Variants in STPG2 observed in about 807,000 individuals in gnomAD.
STPG2 encodes the protein sperm tail PG-rich repeat containing 2.
STPG2 carries 56 observed loss-of-function variants against 54.2 expected under a neutral mutation model. The observed-to-expected ratio is 1.03, with a 90% CI of 0.83 to 1.29. The LOEUF (loss-of-function observed/expected upper bound fraction) is 1.29. STPG2 is among the 50% of genes most tolerant of loss of function. The probability of loss-of-function intolerance (pLI) is 0.00; values close to 1 mark genes in which losing one functional copy is unlikely to be tolerated. For synonymous variants in STPG2, 200 were observed against 181.8 expected, an observed-to-expected ratio of 1.10 and a Z score of -0.81; for missense variants, 596 against 544.9, an observed-to-expected ratio of 1.09 and a Z score of -0.93.
intron 10 of STPG2, among the ~76,000 whole-genome samples, chr4:97,564,487 T>C (rs1238425347): frequency 1.3e-5 from 2 of 152,202 alleles, no homozygotes; most frequent in Non-Finnish European, 2.9e-5. Flanking sequence ...TGATGTTAGC[T>C]GGTTATTTTG....
intron 4 of STPG2, among the ~76,000 whole-genome samples, chr4:97,499,286 T>A (rs1457795837): frequency 1.3e-5 from 2 of 151,878 alleles, no homozygotes; most frequent in East Asian, 3.9e-4. Flanking sequence ...AAAGCCCACA[T>A]CTCATAGCAT....
intron 8 of STPG2, among the ~76,000 whole-genome samples, chr4:97,892,102 A>T (rs902683023): frequency 6.6e-6 from 1 of 152,050 alleles, no homozygotes; most frequent in African/African-American, 2.4e-5. Context: ...TACTTATCAC[A>T]CCCTATTATA....
chr4:98,049,724 G>A (rs552880765), intron 5 of STPG2, among the ~76,000 whole-genome samples: 5 of 150,450 alleles, frequency 3.3e-5, no homozygotes, highest in Admixed American at 6.6e-5. Flanking sequence ...AAAATTTATA[G>A]GCTATGGCCA....
chr4:97,607,905 A>G (rs775262363), intron 10 of STPG2, among the ~76,000 whole-genome samples: 11 of 152,006 alleles, frequency 7.2e-5, no homozygotes, highest in Non-Finnish European at 1.5e-4. Context: ...ACAAGTACAC[A>G]TGAGGTTCAG....
At chr4:97,747,446 C>A (rs974603928) in intron 9 of STPG2, among the ~76,000 whole-genome samples, 1 of 151,364 alleles carries the variant, frequency 6.6e-6, no homozygotes, top group Admixed American at 6.6e-5. Context: ...CAGCACAAGA[C>A]ATACAATTTA....
At chr4:97,651,137 G>C (rs1396907340) in intron 10 of STPG2, among the ~76,000 whole-genome samples, 1 of 152,056 alleles carries the variant, frequency 6.6e-6, no homozygotes, top group Admixed American at 6.6e-5. Context: ...TAGAGATACA[G>C]AGGCCTTAAA....
intron 9 of STPG2, among the ~76,000 whole-genome samples, chr4:97,750,567 G>T (rs552209056): frequency 2.6e-4 from 39 of 151,830 alleles, no homozygotes; most frequent in Non-Finnish European, 5.6e-4. Context: ...AGGGAGGAGA[G>T]ATTTCCAAGA....
intron 8 of STPG2, among the ~76,000 whole-genome samples, chr4:97,888,090 C>G (rs553436656): frequency 6.6e-6 from 1 of 152,340 alleles, no homozygotes; most frequent in East Asian, 1.9e-4. Context: ...TATGGAAAAG[C>G]CCTGGTGTCC....
In STPG2 at chr4:97,608,187, A is replaced by G. The variant is rs1052197701; in HGVS notation, c.1321-49070T>C. 3.3e-5 allele frequency among the ~76,000 whole-genome samples: 5 copies of G among 152,126 alleles called. No homozygotes were observed. In the South Asian group the frequency reaches 6.2e-4, roughly 19 times the overall value. The stretch of plus-strand genomic sequence containing the variant: ...TTGGGATTATAAATGGGACTGGAAC[A>G]TTTTAATCTCTCTTTGGAGGCTTGT... On this transcript the variant is annotated intron_variant, in intron 10 of 10. Transcript: ENST00000295268.
intron 10 of STPG2, among the ~76,000 whole-genome samples, chr4:97,618,839 C>T (rs1282157070): frequency 6.6e-6 from 1 of 152,056 alleles, no homozygotes; most frequent in Admixed American, 6.6e-5. Flanking sequence ...TACTAGTAAG[C>T]CTTTTATTGT....
chr4:97,971,778 C>T (rs1341152598), intron 7 of STPG2, among the ~76,000 whole-genome samples: 1 of 151,618 alleles, frequency 6.6e-6, no homozygotes, highest in Non-Finnish European at 1.5e-5. Context: ...GCACATGTAC[C>T]CCAGAACTTA....
At chr4:97,905,721 C>A (rs1490853939) in intron 8 of STPG2, among the ~76,000 whole-genome samples, 2 of 151,990 alleles carry the variant, frequency 1.3e-5, no homozygotes, top group Non-Finnish European at 1.5e-5. Flanking sequence ...ATCTCACGTG[C>A]AGAGACACAC....
At chr4:97,442,086 C>T (rs1403212183) in intron 4 of STPG2, among the ~76,000 whole-genome samples, 2 of 151,416 alleles carry the variant, frequency 1.3e-5, no homozygotes, top group East Asian at 1.9e-4. Context: ...GTGAGACTAC[C>T]TATATGAAAA....
Position 97,790,120 on chromosome 4 carries a change from T to C in STPG2, c.1204+50653A>G, listed in dbSNP as rs144193448. ...GCTTTTAGTCTGTAACTCCCACTAG[T>C]TGTAAACCCATGTAGGCGGGGATCT... is the stretch of plus-strand genomic sequence containing the variant. On this transcript the variant is annotated intron_variant, in intron 9 of 10. Coordinates refer to ENST00000295268, the MANE Select transcript of STPG2 (RefSeq NM_174952.3). 8.5e-3 allele frequency among the ~76,000 whole-genome samples: 1,295 copies of C among 152,276 alleles called. 9 individuals carry two copies. The highest frequency in any genetic ancestry group is 0.013 in the Non-Finnish European group (898 of 68,014).
At chr4:98,102,513 T>TAA (rs35666488) in intron 5 of STPG2, among the ~76,000 whole-genome samples, 20 of 151,596 alleles carry the variant, frequency 1.3e-4, no homozygotes, top group Non-Finnish European at 2.4e-4. Context: ...TTCCTTTTCA[T>TAA]AAAAAAAGAG....
intron 10 of STPG2, among the ~76,000 whole-genome samples, chr4:97,703,461 T>A (rs1218568071): frequency 7.0e-6 from 1 of 142,134 alleles, no homozygotes; most frequent in African/African-American, 2.6e-5. Flanking sequence ...ATACACACAC[T>A]ATATATATAG....
chr4:97,639,358 G>A (rs1331056340), intron 10 of STPG2, among the ~76,000 whole-genome samples: 2 of 151,914 alleles, frequency 1.3e-5, no homozygotes, highest in Admixed American at 6.6e-5. Flanking sequence ...GTGGGTGGAG[G>A]GGGGAGGGAT....
At chr4:97,913,478 G>A (rs974389592) in intron 8 of STPG2, among the ~76,000 whole-genome samples, 2 of 152,162 alleles carry the variant, frequency 1.3e-5, no homozygotes, top group African/African-American at 4.8e-5. Context: ...GAAGACGATA[G>A]GCTATAGACA....
At chr4:97,651,754 T>G (rs1722076402) in intron 10 of STPG2, among the ~76,000 whole-genome samples, 1 of 151,880 alleles carries the variant, frequency 6.6e-6, no homozygotes, top group African/African-American at 2.4e-5. Context: ...AGCAAACTGA[T>G]GAAGGTTGTA....
Sources: gnomAD v4.1 joint callset for allele counts (sites outside exome capture counted in the v4.1 genomes callset) on GRCh38, gnomAD v4.1.1 for gene constraint, MANE v1.5 for transcripts, NCBI Gene and HGNC (gene_info 2026-07-23, HGNC 2026-07-21) for gene names.